The following RCHY1 variants were observed in gnomAD, a reference collection of about 807,000 sequenced individuals.
RCHY1 encodes RING finger and CHY zinc finger domain-containing protein 1.
A neutral mutation model predicts 41.6 loss-of-function variants in RCHY1; 21 were observed. The observed-to-expected ratio is 0.51, with a 90% CI of 0.36 to 0.73. The LOEUF (loss-of-function observed/expected upper bound fraction) is 0.73, where lower values mean the gene tolerates loss of function less well. Among genes scored for constraint, RCHY1 ranks in the 30% least tolerant of loss-of-function variants. The pLI is 0.00. For synonymous variants in RCHY1, 79 were observed against 102.9 expected (o/e 0.77, Z 1.41); for missense variants, 265 against 325.3 (o/e 0.81, Z 1.43).
chr4:75,511,437 G>A (rs1724865834), intron 1 of RCHY1, among the ~76,000 whole-genome samples: 1 of 152,044 alleles, frequency 6.6e-6, no homozygotes, highest in Middle Eastern at 3.2e-3. Context: ...GAAAATGTCT[G>A]CCAACTACCC....
intron 7 of RCHY1, chr4:75,491,254 T>C (rs752626806): frequency 5.3e-6 from 1 of 187,610 alleles, no homozygotes; most frequent in East Asian, 1.4e-4. Context: ...TAGTTTACTA[T>C]ACTTGGCCAA....
intron 3 of RCHY1, among the ~76,000 whole-genome samples, chr4:75,506,557 T>G (rs1420303963): frequency 6.6e-6 from 1 of 151,342 alleles, no homozygotes; most frequent in Non-Finnish European, 1.5e-5. Context: ...GCAGATTCAA[T>G]GCAGCAGAAG....
At chr4:75,508,086 T>G (rs945707430) in intron 3 of RCHY1, among the ~76,000 whole-genome samples, 3 of 151,736 alleles carry the variant, frequency 2.0e-5, no homozygotes, top group African/African-American at 7.3e-5. Flanking sequence ...ACAAACTATA[T>G]TTTAAAAAAA....
rs1287854837 is a variant in RCHY1 at position 75,481,909 on chromosome 4, C to G, written c.*629G>C. ...TTTTCCCAACTACTTTTATGGAATA[C>G]CTCAAAAGAAAGAAAATTTCTTTTA... On this transcript the variant is annotated 3_prime_UTR_variant, in exon 9 of 9. Transcript: ENST00000324439. The G allele has an allele frequency of 6.6e-6, 1 of 152,012 alleles. No individual in the cohort carries two copies. Among genetic ancestry groups the G allele is most frequent in the African/African-American group, 2.4e-5 (1 of 41,384 alleles). 9.4% of individuals were successfully genotyped at this position (152,012 alleles called of 1,614,324 possible). A position where few individuals can be genotyped will look rare whatever the true frequency, so the allele number is the denominator to read the frequency against.
chr4:75,487,535 TCA>T (rs1404035298), intron 8 of RCHY1, among the ~76,000 whole-genome samples: 1 of 112,718 alleles, frequency 8.9e-6, no homozygotes, highest in Non-Finnish European at 1.8e-5. Context: ...CATAATATAT[TCA>T]TAATATATAT....
intron 8 of RCHY1, among the ~76,000 whole-genome samples, chr4:75,487,565 A>AT (rs1722186842): frequency 1.8e-5 from 1 of 55,448 alleles, no homozygotes; most frequent in African/African-American, 6.7e-5. Flanking sequence ...ATATATTCAT[A>AT]ATATATATAT....
chr4:75,512,457 C>G (rs1428351852), intron 1 of RCHY1, among the ~76,000 whole-genome samples: 6 of 152,152 alleles, frequency 3.9e-5, no homozygotes, highest in Admixed American at 3.9e-4. Context: ...AAGGCCAACT[C>G]CTTCACTTGT....
intron 3 of RCHY1, among the ~76,000 whole-genome samples, chr4:75,500,407 T>A (rs1723641746): frequency 6.6e-6 from 1 of 152,190 alleles, no homozygotes; most frequent in South Asian, 2.1e-4. Context: ...GGATATATGT[T>A]CATTACCAAA....
intron 2 of RCHY1, 38 bp downstream of exon 2, chr4:75,509,139 G>C: frequency 6.3e-7 from 1 of 1,579,516 alleles, no homozygotes; most frequent in Middle Eastern, 1.7e-4. Flanking sequence ...CCTTAATACA[G>C]CTTTTAAAAA....
chr4:75,510,192 A>G (rs1289361151), intron 1 of RCHY1, among the ~76,000 whole-genome samples: 7 of 152,208 alleles, frequency 4.6e-5, no homozygotes, highest in Non-Finnish European at 8.8e-5. Flanking sequence ...TTGTTCAGCT[A>G]TATCAGACAG....
At chr4:75,513,502 G>A (rs1725178661) in intron 1 of RCHY1, among the ~76,000 whole-genome samples, 1 of 152,016 alleles carries the variant, frequency 6.6e-6, no homozygotes, top group East Asian at 1.9e-4. Context: ...TAAGATTTGG[G>A]GATAGGGCGG....
chr4:75,479,960 T>A lies in RCHY1; in HGVS notation c.*2578A>T, dbSNP rs1263464267. On this transcript the variant is annotated 3_prime_UTR_variant, in exon 9 of 9. Transcript: ENST00000324439. ...TTTTTTACCTTCTTTCTTATAGAGG[T>A]ATAACCTATACTTATGAAGTCAGAG... The A allele has an allele frequency of 6.6e-6, 1 of 152,166 alleles. No homozygotes were observed. Among genetic ancestry groups the A allele is most frequent in the Non-Finnish European group, 1.5e-5 (1 of 68,018 alleles). 9.4% of individuals were successfully genotyped at this position (152,166 alleles called of 1,614,324 possible).
rs572875613 is a variant in RCHY1, at chr4:75,514,145, C to G, written c.90+52G>C. On this transcript the variant is annotated intron_variant, in intron 1 of 8. Coordinates refer to ENST00000324439, the MANE Select transcript of RCHY1 (RefSeq NM_015436.4). ...AGCCTAACCACCTGCCCAGCCCGCC[C>G]CAGCCCAACCTGACGGAAGCTTGTC... is the stretch of plus-strand genomic sequence containing the variant. 2.0e-5 allele frequency: 32 copies of G among 1,577,464 alleles called. No individual in the cohort carries two copies. The South Asian group carries it at 3.5e-4, about 17-fold the overall frequency.
chr4:75,501,020 A>C (rs1253287800), intron 3 of RCHY1, among the ~76,000 whole-genome samples: 1 of 152,112 alleles, frequency 6.6e-6, no homozygotes, highest in African/African-American at 2.4e-5. Flanking sequence ...AAATATGTAT[A>C]TATTTTTAGA....
intron 8 of RCHY1, 124 bp downstream of exon 8, chr4:75,490,446 TTCCATTAATCA>T: frequency 1.8e-6 from 1 of 565,162 alleles, no homozygotes; most frequent in Non-Finnish European, 2.9e-6. Flanking sequence ...ATTTTGTGCT[TTCCATTAATCA>T]TCACATTAGC....
chr4:75,500,520 T>C (rs1267755756), intron 3 of RCHY1, among the ~76,000 whole-genome samples: 3 of 152,198 alleles, frequency 2.0e-5, no homozygotes, highest in African/African-American at 7.2e-5. Flanking sequence ...AGATTATCTA[T>C]AACTATAATG....
At chr4:75,486,053 G>A (rs1721970766) in intron 8 of RCHY1, among the ~76,000 whole-genome samples, 1 of 152,148 alleles carries the variant, frequency 6.6e-6, no homozygotes, top group Non-Finnish European at 1.5e-5. Context: ...GCAGAATCAA[G>A]CCCACTAGAG....
At position 75,511,054 on chromosome 4, in the gene RCHY1, G is replaced by A. The variant is rs551806563; in HGVS notation, c.91-1758C>T. Among the ~76,000 whole-genome samples, 4 of 152,202 alleles carry A rather than the reference G, an allele frequency of 2.6e-5. No individual in the cohort carries two copies. In the South Asian group the frequency reaches 8.3e-4, roughly 32 times the overall value. On this transcript the variant is annotated intron_variant, in intron 1 of 8. Coordinates refer to ENST00000324439, the MANE Select transcript of RCHY1 (RefSeq NM_015436.4). ...TAGTTGCAACATGAAATCTGAAATC[G>A]TATCAAGGAATATGATTGATATGAT...
intron 3 of RCHY1, among the ~76,000 whole-genome samples, chr4:75,495,793 G>A (rs1308190614): frequency 1.3e-5 from 2 of 152,024 alleles, no homozygotes; most frequent in Admixed American, 1.3e-4. Flanking sequence ...AGTTTGAAGA[G>A]TCAATTTTTG....
Sources: gnomAD v4.1 joint callset for allele counts (sites outside exome capture counted in the v4.1 genomes callset) on GRCh38, gnomAD v4.1.1 for gene constraint, MANE v1.5 for transcripts, NCBI Gene and HGNC (gene_info 2026-07-23, HGNC 2026-07-21) for gene names.